Variants in DNAH14 observed in about 807,000 individuals in gnomAD.
DNAH14 encodes dynein axonemal heavy chain 14.
In DNAH14, 478 loss-of-function variants were observed where a neutral mutation model predicts 520.9. The ratio of observed to expected loss-of-function variants is 0.92; its 90% CI spans 0.85 to 0.99. DNAH14 has a LOEUF of 0.99. DNAH14 is among the 50% of genes least tolerant of loss of function. DNAH14 has a pLI of 0.00. For synonymous variants in DNAH14, 1,581 were observed against 1,757.2 expected (o/e 0.90, Z 2.51); for missense variants, 4,831 against 5,234.5 (o/e 0.92, Z 2.38).
intron 60 of DNAH14, among the ~76,000 whole-genome samples, chr1:225,315,869 G>A (rs1474745394): frequency 6.6e-6 from 1 of 152,214 alleles, no homozygotes; most frequent in Non-Finnish European, 1.5e-5. Context: ...GTCAATCCCT[G>A]CTGGGAAGTG....
intron 8 of DNAH14, among the ~76,000 whole-genome samples, chr1:225,001,606 AC>A (rs2063779757): frequency 1.3e-5 from 2 of 152,006 alleles, no homozygotes; most frequent in African/African-American, 4.8e-5. Context: ...TTTTATGTGC[AC>A]CCTCCCCATT....
chr1:225,269,896 T>C (rs1201159021), intron 49 of DNAH14, among the ~76,000 whole-genome samples: 1 of 152,184 alleles, frequency 6.6e-6, no homozygotes, highest in Non-Finnish European at 1.5e-5. Context: ...AGTTCAGCCA[T>C]TGTGGAAGAC....
intron 11 of DNAH14, among the ~76,000 whole-genome samples, chr1:225,026,976 G>A (rs2066164082): frequency 6.6e-6 from 1 of 150,394 alleles, no homozygotes; most frequent in African/African-American, 2.4e-5. Flanking sequence ...CATTTTTTTT[G>A]GTAAAATTTT....
chr1:225,198,236 T>G (rs909381346), intron 38 of DNAH14, among the ~76,000 whole-genome samples: 2 of 147,318 alleles, frequency 1.4e-5, no homozygotes, highest in Admixed American at 6.9e-5. Context: ...TTTTTTTTTT[T>G]AGATGGAGTC....
intron 8 of DNAH14, among the ~76,000 whole-genome samples, chr1:225,002,489 A>G (rs1388833758): frequency 6.6e-6 from 1 of 152,108 alleles, no homozygotes; most frequent in Non-Finnish European, 1.5e-5. Context: ...TTCATTTTAC[A>G]TAATACTTCC....
At chr1:225,135,411 A>G (rs1047561377) in intron 27 of DNAH14, among the ~76,000 whole-genome samples, 2 of 152,046 alleles carry the variant, frequency 1.3e-5, no homozygotes, top group African/African-American at 4.8e-5. Context: ...TTTATTATTT[A>G]CCCAAGAGTC....
At chr1:224,958,627 TAAAC>T (rs2060656446) in intron 3 of DNAH14, among the ~76,000 whole-genome samples, 1 of 151,982 alleles carries the variant, frequency 6.6e-6, no homozygotes, top group Admixed American at 6.6e-5. Context: ...TTGGGAGAAT[TAAAC>T]AAGCTGAGAG....
chr1:225,213,190 G>T (rs2088719383), intron 41 of DNAH14, among the ~76,000 whole-genome samples: 1 of 152,028 alleles, frequency 6.6e-6, no homozygotes, highest in Admixed American at 6.6e-5. Context: ...TCCTGTTTTT[G>T]TCAGGTTTGT....
chr1:225,349,997 A>C (rs547157209), intron 71 of DNAH14, among the ~76,000 whole-genome samples: 2 of 152,274 alleles, frequency 1.3e-5, no homozygotes, highest in East Asian at 3.9e-4. Context: ...CAGGATATAC[A>C]TTCTTCTTAA....
intron 71 of DNAH14, among the ~76,000 whole-genome samples, chr1:225,348,116 A>G (rs1012811995): frequency 1.1e-4 from 17 of 152,302 alleles, no homozygotes; most frequent in Admixed American, 3.9e-4. Context: ...AGCAGACTTA[A>G]TCAGACAGAA....
intron 42 of DNAH14, among the ~76,000 whole-genome samples, chr1:225,233,579 T>C (rs1461662265): frequency 6.6e-6 from 1 of 152,108 alleles, no homozygotes; most frequent in Admixed American, 6.5e-5. Context: ...CTTTCTTTCA[T>C]GTTTGTTGGC....
chr1:225,243,397 CA>C (rs146066594), intron 43 of DNAH14, among the ~76,000 whole-genome samples: 38 of 150,578 alleles, frequency 2.5e-4, no homozygotes, highest in African/African-American at 8.5e-4. Context: ...GGGGGAGAGC[CA>C]AAAAAAATTA....
In DNAH14 at chr1:225,276,094, A is replaced by G. The variant is rs2093461503; in HGVS notation, c.8178+13A>G. ...AATTTCTTTGGAGGTAAACATATATACTATATAAAAATCTGAGGAGTGCTA... is the reference window on the plus strand; with the variant it reads ...AATTTCTTTGGAGGTAAACATATATGCTATATAAAAATCTGAGGAGTGCTA... On this transcript the variant is annotated intron_variant, in intron 53 of 85. Transcript: ENST00000682510. 3.8e-6 allele frequency: 1 copy of G among 260,262 alleles called. No homozygotes were observed. The highest frequency in any genetic ancestry group is 5.3e-5 in the Admixed American group (1 of 19,044). The allele number at this position is 260,262 out of a possible 1,614,324, so 16.1% of individuals were successfully genotyped here.
chr1:225,330,757 A>C (rs1431061722), intron 64 of DNAH14, among the ~76,000 whole-genome samples: 3 of 152,176 alleles, frequency 2.0e-5, no homozygotes, highest in Non-Finnish European at 4.4e-5. Flanking sequence ...CAACAGGGTG[A>C]TTGTAGTCAA....
intron 84 of DNAH14, among the ~76,000 whole-genome samples, chr1:225,394,507 T>G (rs1233852034): frequency 6.6e-6 from 1 of 152,220 alleles, no homozygotes; most frequent in Non-Finnish European, 1.5e-5. Flanking sequence ...CCTGTTATCT[T>G]CTAGAAACTA....
intron 66 of DNAH14, among the ~76,000 whole-genome samples, chr1:225,335,986 TACAC>T (rs1402431641): frequency 7.3e-6 from 1 of 136,240 alleles, no homozygotes; most frequent in South Asian, 2.4e-4. Context: ...TATGTGTATA[TACAC>T]ACATATGCAT....
intron 60 of DNAH14, among the ~76,000 whole-genome samples, chr1:225,318,328 A>G (rs1474597918): frequency 6.6e-6 from 1 of 152,190 alleles, no homozygotes. Context: ...TCTAAGAGGT[A>G]AGGCAGAAAT....
intron 58 of DNAH14, among the ~76,000 whole-genome samples, chr1:225,306,971 G>A (rs1202769475): frequency 6.6e-6 from 1 of 151,798 alleles, no homozygotes; most frequent in Non-Finnish European, 1.5e-5. Flanking sequence ...TATGGTTTGG[G>A]TCTCTTACAG....
chr1:225,041,679 A>G (rs1478636222), intron 12 of DNAH14, among the ~76,000 whole-genome samples: 1 of 152,186 alleles, frequency 6.6e-6, no homozygotes, highest in Non-Finnish European at 1.5e-5. Context: ...TAACTTGTTT[A>G]CTATAGTGAT....
Sources: allele counts gnomAD v4.1 joint callset (sites outside exome capture counted in the v4.1 genomes callset), GRCh38; gene constraint gnomAD v4.1.1; transcripts MANE v1.5; gene names NCBI Gene and HGNC (gene_info 2026-07-23, HGNC 2026-07-21).